The following CDKL5 variants were observed in gnomAD, a reference collection of about 807,000 sequenced individuals.
CDKL5 encodes the protein cyclin dependent kinase like 5.
Under a neutral mutation model 61.7 loss-of-function variants are expected in CDKL5, and 8 were observed. The observed-to-expected ratio is 0.13, with a 90% confidence interval of 0.08 to 0.23. CDKL5 has a LOEUF of 0.23. Ranked by LOEUF, CDKL5 falls within the 10% of genes least tolerant of loss-of-function variation. The pLI, the probability that CDKL5 is intolerant of heterozygous loss-of-function variation, is 1.00. For synonymous variants in CDKL5, 275 were observed against 272.3 expected (o/e 1.01, Z -0.10); for missense variants, 440 against 734.5 (o/e 0.60, Z 4.63).
Position 18,444,718 on chromosome X carries a change from T to G in CDKL5, c.-163+19023T>G, listed in dbSNP as rs770288128. Among the ~76,000 whole-genome samples, 5 of 112,913 alleles carry G rather than the reference T, an allele frequency of 4.4e-5. No individual in the cohort carries two copies. In the South Asian group the frequency reaches 1.8e-3, roughly 40 times the overall value. Reference sequence around the variant, plus strand: ...CTTTTAAATTTTCATAAGAGCATTTTCTTTGGACATTTAAAAATATAGTTA... The same window carrying G: ...CTTTTAAATTTTCATAAGAGCATTTGCTTTGGACATTTAAAAATATAGTTA... On this transcript the variant is annotated intron_variant, in intron 1 of 17. Transcript: ENST00000623535.
At chrX:18,509,999 TAAAAAA>T (rs1169003895) in intron 2 of CDKL5, among the ~76,000 whole-genome samples, 2 of 85,965 alleles carry the variant, frequency 2.3e-5, no homozygotes, top group Non-Finnish European at 4.7e-5. Context: ...AAAAAAAACT[TAAAAAA>T]CAAAACAAAA....
chrX:18,475,404 C>T (rs1018615355), intron 1 of CDKL5, among the ~76,000 whole-genome samples: 8 of 111,254 alleles, frequency 7.2e-5, no homozygotes, highest in African/African-American at 2.6e-4. Flanking sequence ...AAGCGATCCT[C>T]CCACCTCAGC....
intron 3 of CDKL5, among the ~76,000 whole-genome samples, chrX:18,532,376 G>GC (rs778279631): frequency 9.9e-6 from 1 of 101,141 alleles, no homozygotes; most frequent in Non-Finnish European, 2.0e-5. Flanking sequence ...CTACAGCATT[G>GC]TTTTTTTTTT....
chrX:18,470,930 A>G (rs928249400), intron 1 of CDKL5, among the ~76,000 whole-genome samples: 15 of 111,877 alleles, frequency 1.3e-4, no homozygotes, highest in Non-Finnish European at 1.9e-5. Context: ...CACAGAGGGG[A>G]CAAGAGGAGA....
chrX:18,516,203 C>G (rs1372431352), intron 3 of CDKL5, among the ~76,000 whole-genome samples: 1 of 110,574 alleles, frequency 9.0e-6, no homozygotes, highest in Non-Finnish European at 1.9e-5. Context: ...GTTGGCCATG[C>G]TGGTCTTGAA....
chrX:18,621,547 T>TG (rs1409474185), intron 16 of CDKL5, among the ~76,000 whole-genome samples: 2 of 111,941 alleles, frequency 1.8e-5, no homozygotes, highest in African/African-American at 6.5e-5. Flanking sequence ...TGGGGTTTTT[T>TG]TTTGTTTGTT....
chrX:18,530,335 CA>C (rs985283133), intron 3 of CDKL5, among the ~76,000 whole-genome samples: 949 of 47,556 alleles, frequency 0.02, 6 homozygotes, highest in Middle Eastern at 0.097. Context: ...GGCTCCGTCT[CA>C]AAAAAAAAAA....
In CDKL5 at chrX:18,575,155, G is replaced by C. The variant is rs181643060; in HGVS notation, c.146-199G>C. Among the ~76,000 whole-genome samples, 484 of 112,105 alleles carry C rather than the reference G, an allele frequency of 4.3e-3. 2 individuals carry two copies. The highest frequency in any genetic ancestry group is 0.042 in the Middle Eastern group (9 of 215). ...AGGAAGTCAAGTTTGTGCTGATCAA[G>C]TAAACCCTTTCTTCGATTTTCTTAT... On this transcript the variant is annotated intron_variant, in intron 4 of 17. Coordinates refer to ENST00000623535, the MANE Select transcript of CDKL5 (RefSeq NM_001323289.2).
intron 1 of CDKL5, among the ~76,000 whole-genome samples, chrX:18,489,541 C>A (rs967757118): frequency 1.8e-5 from 2 of 110,926 alleles, no homozygotes; most frequent in African/African-American, 3.3e-5. Context: ...TCTCCACAAC[C>A]CCTTATCTTA....
chrX:18,635,738 C>G lies in CDKL5; in HGVS notation c.*6981C>G. On this transcript the variant is annotated 3_prime_UTR_variant, in exon 18 of 18. Transcript: ENST00000623535. The stretch of plus-strand genomic sequence containing the variant: ...GAGGAGGATGGGAAGAGAGGCCAAT[C>G]TTGTGCTAAGTGCTATGGAGAAAGC... 2.7e-6 allele frequency: 1 copy of G among 375,085 alleles called. No individual in the cohort carries two copies. The highest frequency in any genetic ancestry group is 3.4e-6 in the Non-Finnish European group (1 of 293,056). 30.9% of individuals were successfully genotyped at this position (375,085 alleles called of 1,213,427 possible). A position where few individuals can be genotyped will look rare whatever the true frequency, so the allele number is the denominator to read the frequency against.
chrX:18,623,893 C>T (rs1266745939), intron 16 of CDKL5: 4 of 735,343 alleles, frequency 5.4e-6, no homozygotes, highest in Admixed American at 1.8e-4. Flanking sequence ...ATTCCACCAA[C>T]GGGGAGAATC....
chrX:18,544,519 G>C (rs1418209972), intron 3 of CDKL5, among the ~76,000 whole-genome samples: 1 of 111,778 alleles, frequency 8.9e-6, no homozygotes, highest in African/African-American at 3.3e-5. Flanking sequence ...AGGAAATTGA[G>C]GCACAGAGAA....
intron 1 of CDKL5, among the ~76,000 whole-genome samples, chrX:18,454,446 A>G (rs1932094867): frequency 1.8e-5 from 2 of 109,755 alleles, no homozygotes; most frequent in Non-Finnish European, 3.8e-5. Context: ...TGCGTTGGCC[A>G]GGCTGGTTTC....
intron 1 of CDKL5, among the ~76,000 whole-genome samples, chrX:18,439,056 C>T (rs5909475): frequency 1.3e-5 from 1 of 76,739 alleles, no homozygotes; most frequent in African/African-American, 4.8e-5. Flanking sequence ...CCCCCCCCCC[C>T]GCCCCCCACC....
intron 5 of CDKL5, among the ~76,000 whole-genome samples, chrX:18,577,884 A>G (rs894770980): frequency 9.8e-5 from 11 of 112,375 alleles, no homozygotes; most frequent in Non-Finnish European, 1.7e-4. Context: ...TTGTTAATTG[A>G]AAAAGAGAAT....
chrX:18,653,129 A>G (rs1247686840), intron 21 of CDKL5, among the ~76,000 whole-genome samples: 1 of 112,581 alleles, frequency 8.9e-6, no homozygotes, highest in Non-Finnish European at 1.9e-5. Flanking sequence ...ATGGATCATA[A>G]GCTCAAGCAT....
At chrX:18,434,054 C>T (rs868204999) in intron 1 of CDKL5, among the ~76,000 whole-genome samples, 1 of 111,586 alleles carries the variant, frequency 9.0e-6, no homozygotes, top group Admixed American at 9.6e-5. Context: ...CCTTTTCCTG[C>T]CTGCATCATT....
chrX:18,588,240 T>C, intron 9 of CDKL5, 97 bp downstream of exon 9: 1 of 685,909 alleles, frequency 1.5e-6, no homozygotes. Context: ...CTTTGAATAC[T>C]ATTTCTTTTC....
At chrX:18,557,885 G>A (rs1028995880) in intron 3 of CDKL5, among the ~76,000 whole-genome samples, 2 of 111,591 alleles carry the variant, frequency 1.8e-5, no homozygotes, top group Non-Finnish European at 3.8e-5. Context: ...ATTTTTATGG[G>A]GTAGAGATCT....
Sources: gnomAD v4.1 joint callset for allele counts (sites outside exome capture counted in the v4.1 genomes callset) on GRCh38, gnomAD v4.1.1 for gene constraint, MANE v1.5 for transcripts, NCBI Gene and HGNC (gene_info 2026-07-23, HGNC 2026-07-21) for gene names.